Variants in DZIP3 observed in about 807,000 individuals in gnomAD.
DZIP3 encodes the protein DAZ interacting zinc finger protein 3.
DZIP3 carries 118 observed loss-of-function variants against 162.0 expected under a neutral mutation model. The observed-to-expected ratio is 0.73, with a 90% CI of 0.63 to 0.85. The LOEUF (loss-of-function observed/expected upper bound fraction) is 0.85. Ranked by LOEUF, DZIP3 falls within the 40% of genes least tolerant of loss-of-function variation. The pLI, the probability that DZIP3 is intolerant of heterozygous loss-of-function variation, is 0.00. For synonymous variants in DZIP3, 438 were observed against 458.6 expected (o/e 0.96, Z 0.57); for missense variants, 1,331 against 1,407.0 (o/e 0.95, Z 0.86).
intron 13 of DZIP3, 141 bp downstream of exon 13, chr3:108,642,655 C>T: frequency 1.1e-6 from 1 of 914,142 alleles, no homozygotes; most frequent in Non-Finnish European, 1.5e-6. Context: ...GCAAGCAGCG[C>T]TTGGTGTAGG....
intron 10 of DZIP3, among the ~76,000 whole-genome samples, chr3:108,636,262 AT>A (rs1476899978): frequency 1.3e-5 from 2 of 151,930 alleles, no homozygotes; most frequent in African/African-American, 4.8e-5. Flanking sequence ...TAACATTTTT[AT>A]TCTTTCCTTT....
At chr3:108,683,552 A>G (rs184173401) in intron 26 of DZIP3, among the ~76,000 whole-genome samples, 4 of 152,292 alleles carry the variant, frequency 2.6e-5, no homozygotes, top group East Asian at 1.9e-4. Context: ...TCTCTGCTCC[A>G]GCCAGCAAGG....
chr3:108,644,076 C>A, intron 13 of DZIP3, 88 bp from the exon 14 acceptor site: 1 of 1,449,524 alleles, frequency 6.9e-7, no homozygotes, highest in Non-Finnish European at 9.2e-7. Context: ...AGTTTTTATC[C>A]TACAGGAGCT....
chr3:108,619,314 G>A (rs939690837), intron 5 of DZIP3, among the ~76,000 whole-genome samples: 1 of 150,250 alleles, frequency 6.7e-6, no homozygotes, highest in African/African-American at 2.5e-5. Context: ...GTGTGTGTGT[G>A]TGTGTGTGTG....
chr3:108,652,906 G>C (rs1942929092), intron 18 of DZIP3, among the ~76,000 whole-genome samples: 1 of 151,934 alleles, frequency 6.6e-6, no homozygotes. Flanking sequence ...CTAGTTTTGT[G>C]TAGTAACACT....
rs1941706661 is a variant in DZIP3, at chr3:108,628,963, C to T, written c.582-99C>T. Reference sequence around the variant, plus strand: ...ATGGCATGCCAGAGGTTATCACCACCCTATTTACCACAAAAAAAGGGTTAT... The same window carrying T: ...ATGGCATGCCAGAGGTTATCACCACTCTATTTACCACAAAAAAAGGGTTAT... On this transcript the variant is annotated intron_variant, in intron 7 of 32. Coordinates refer to ENST00000361582, the MANE Select transcript of DZIP3 (RefSeq NM_014648.4). The T allele has an allele frequency of 5.9e-6, 4 of 679,622 alleles. No individual in the cohort carries two copies. In the East Asian group the frequency reaches 1.2e-4, roughly 20 times the overall value. 42.1% of individuals were successfully genotyped at this position (679,622 alleles called of 1,614,324 possible). A position where few individuals can be genotyped will look rare whatever the true frequency, so the allele number is the denominator to read the frequency against.
At chr3:108,677,313 T>G (rs1944148419) in intron 25 of DZIP3, among the ~76,000 whole-genome samples, 184 bp from the exon 26 acceptor site, 1 of 151,334 alleles carries the variant, frequency 6.6e-6, no homozygotes, top group African/African-American at 2.4e-5. Flanking sequence ...TACAACTGTT[T>G]ACATGTGGGG....
chr3:108,637,633 C>A, intron 12 of DZIP3, 85 bp downstream of exon 12: 2 of 1,019,440 alleles, frequency 2.0e-6, no homozygotes, highest in Non-Finnish European at 1.5e-6. Context: ...GTTTCTGTCA[C>A]CTAATAGAGC....
intron 26 of DZIP3, among the ~76,000 whole-genome samples, chr3:108,679,507 A>T (rs1944228141): frequency 6.6e-6 from 1 of 152,084 alleles, no homozygotes; most frequent in Admixed American, 6.6e-5. Context: ...AATTAGGGTC[A>T]CTGCTGTGCT....
intron 19 of DZIP3, among the ~76,000 whole-genome samples, chr3:108,658,035 A>C (rs571685631): frequency 1.8e-4 from 22 of 125,276 alleles, no homozygotes; most frequent in African/African-American, 5.6e-4. Context: ...CCACACAATA[A>C]TCATGGGAGA....
At position 108,684,327 on chromosome 3, in the gene DZIP3, C is replaced by A. The variant is rs761419764; in HGVS notation, c.2995C>A (p.Pro999Thr). Residue 999 changes from proline (P) to threonine (T), a missense_variant, in exon 27 of 33, where the codon CCT (proline) becomes ACT (threonine). Coordinates refer to ENST00000361582, the MANE Select transcript of DZIP3 (RefSeq NM_014648.4). ...GGGAGTCGTCTCTGCAACTGGCCAA[C>A]CTAGAGCCCCCCTGGTAAAAGCTTT... ...CPGVVSATGQ[P>T]RAPLMTGIAW... 2 of 1,611,680 alleles carry A rather than the reference C, an allele frequency of 1.2e-6. No homozygotes were observed. The highest frequency in any genetic ancestry group is 2.7e-5 in the African/African-American group (2 of 74,746).
chr3:108,651,120 CT>C lies in DZIP3; in HGVS notation c.2008-15del. On this transcript the variant is annotated splice_polypyrimidine_tract_variant and intron_variant, in intron 17 of 32. Transcript: ENST00000361582. Reference sequence around the variant, plus strand: ...ATATAGTTGATATAGATTACTAATTCTTATGTTATTTTTCAGAATAAAGACT... The same window carrying C: ...ATATAGTTGATATAGATTACTAATTCTATGTTATTTTTCAGAATAAAGACT... The C allele has an allele frequency of 1.4e-6, 1 of 698,264 alleles. No individual in the cohort carries two copies. The highest frequency in any genetic ancestry group is 5.4e-4 in the Middle Eastern group (1 of 1,862). The allele number at this position is 698,264 out of a possible 1,614,324, so 43.3% of individuals were successfully genotyped here.
At position 108,661,916 on chromosome 3, in the gene DZIP3, G is replaced by T; in HGVS notation, c.2239G>T (p.Glu747Ter). Residue 747 changes from glutamate (E) to a stop codon, truncating the protein, a stop_gained, in exon 20 of 33, where the codon GAA (glutamate) becomes TAA (stop). Coordinates refer to ENST00000361582, the MANE Select transcript of DZIP3 (RefSeq NM_014648.4). LOFTEE classifies it high-confidence loss of function. ...AGTAACTACAGACTATGGAGAAACT[G>T]AAAAGGAAAGGCTTGCTCGTCAAAG... ...GKVTTDYGET[E>*]KERLARQRQL... is the part of the protein sequence containing the mutation. 6.2e-7 allele frequency: 1 copy of T among 1,613,954 alleles called. No individual in the cohort carries two copies. Among genetic ancestry groups the T allele is most frequent in the South Asian group, 1.1e-5 (1 of 91,058 alleles).
chr3:108,625,834 T>C lies in DZIP3; in HGVS notation c.457-11T>C. ...TTTACAGTAGCCAAACCTAGTTTTA[T>C]GTTACTACAGGATTATACAGAAGCT... On this transcript the variant is annotated splice_polypyrimidine_tract_variant and intron_variant, in intron 6 of 32. Coordinates refer to ENST00000361582, the MANE Select transcript of DZIP3 (RefSeq NM_014648.4). The C allele has an allele frequency of 6.4e-7, 1 of 1,573,588 alleles. No individual in the cohort carries two copies.
chr3:108,654,182 GAAC>G lies in DZIP3; in HGVS notation c.2074_2076del (p.Gln692del). On this transcript the variant is annotated inframe_deletion, in exon 19 of 33. Transcript: ENST00000361582. The stretch of plus-strand genomic sequence containing the variant: ...AGAAAAGGAAGAGCAGTTGAGGAAA[GAAC>G]AAGCAAATCCACACTCAGTCAGTAG... 1 of 1,613,604 alleles carries G rather than the reference GAAC, an allele frequency of 6.2e-7. No homozygotes were observed. The highest frequency in any genetic ancestry group is 1.3e-5 in the African/African-American group (1 of 75,018).
chr3:108,602,454 G>A (rs1373365240), intron 1 of DZIP3, among the ~76,000 whole-genome samples: 2 of 152,130 alleles, frequency 1.3e-5, no homozygotes, highest in Non-Finnish European at 2.9e-5. Flanking sequence ...GGATAAAGGT[G>A]TGCTGTAAAT....
At chr3:108,592,470 G>A (rs1208151449) in intron 1 of DZIP3, among the ~76,000 whole-genome samples, 4 of 152,040 alleles carry the variant, frequency 2.6e-5, no homozygotes, top group Non-Finnish European at 5.9e-5. Flanking sequence ...GAGGCAGGAG[G>A]ATCTCTTGAA....
rs114097105 is a variant in DZIP3, at chr3:108,665,273, G to A, written c.2423+3016G>A. On this transcript the variant is annotated intron_variant, in intron 21 of 32. Transcript: ENST00000361582. Reference sequence around the variant, plus strand: ...CTAGAATATCTCAGTAAGGAAATAAGTTATAATAAAGAATGAAAATTATAT... The same window carrying A: ...CTAGAATATCTCAGTAAGGAAATAAATTATAATAAAGAATGAAAATTATAT... 4.7e-3 allele frequency among the ~76,000 whole-genome samples: 723 copies of A among 152,220 alleles called. 2 individuals carry two copies. Among genetic ancestry groups the A allele is most frequent in the African/African-American group, 0.016 (684 of 41,540 alleles).
chr3:108,642,296 ATTTG>A (rs1456281644), intron 12 of DZIP3, 138 bp from the exon 13 acceptor site: 1 of 949,570 alleles, frequency 1.1e-6, no homozygotes, highest in African/African-American at 1.7e-5. Flanking sequence ...GGTGAGCTCT[ATTTG>A]TTCATTATTT....
Sources: gnomAD v4.1 joint callset for allele counts (sites outside exome capture counted in the v4.1 genomes callset) on GRCh38, gnomAD v4.1.1 for gene constraint, MANE v1.5 for transcripts, NCBI Gene and HGNC (gene_info 2026-07-23, HGNC 2026-07-21) for gene names.